TMEM132C: variants seen among roughly 807,000 people sequenced by gnomAD.
The protein encoded by TMEM132C is transmembrane protein 132C.
TMEM132C carries 29 observed loss-of-function variants against 61.4 expected under a neutral mutation model. That is an observed-to-expected ratio of 0.47 (90% CI 0.35 to 0.64). The LOEUF (loss-of-function observed/expected upper bound fraction) is 0.64. Ranked by LOEUF, TMEM132C falls within the 30% of genes least tolerant of loss-of-function variation. TMEM132C has a pLI of 0.00. For synonymous variants in TMEM132C, 656 were observed against 633.1 expected (o/e 1.04, Z -0.54); for missense variants, 1,408 against 1,476.9 (o/e 0.95, Z 0.76).
chr12:128,416,038 T>C (rs1052571845), intron 2 of TMEM132C, among the ~76,000 whole-genome samples: 2 of 152,106 alleles, frequency 1.3e-5, no homozygotes, highest in African/African-American at 4.8e-5. Flanking sequence ...TTTGGGTATA[T>C]ATGTGAAAAG....
intron 3 of TMEM132C, among the ~76,000 whole-genome samples, chr12:128,549,679 A>T (rs1054147001): frequency 7.2e-5 from 11 of 152,182 alleles, no homozygotes; most frequent in African/African-American, 2.2e-4. Flanking sequence ...TGTCGTGCTC[A>T]GCATAGGATG....
At chr12:128,643,736 T>TTC (rs1954175363) in intron 4 of TMEM132C, among the ~76,000 whole-genome samples, 1 of 152,244 alleles carries the variant, frequency 6.6e-6, no homozygotes, top group Non-Finnish European at 1.5e-5. Flanking sequence ...GTCAAGCTGC[T>TTC]TCCAACTGCT....
intron 2 of TMEM132C, among the ~76,000 whole-genome samples, chr12:128,518,267 T>C (rs1872784442): frequency 6.6e-6 from 1 of 152,210 alleles, no homozygotes; most frequent in Non-Finnish European, 1.5e-5. Flanking sequence ...CACCTAGATA[T>C]ATATTCTAGG....
chr12:128,512,133 C>T (rs1226075973), intron 2 of TMEM132C, among the ~76,000 whole-genome samples: 1 of 151,880 alleles, frequency 6.6e-6, no homozygotes, highest in Non-Finnish European at 1.5e-5. Context: ...CCTTAGAAAG[C>T]AAAATAAAGC....
chr12:128,560,215 C>T (rs746451039), intron 3 of TMEM132C, among the ~76,000 whole-genome samples: 1 of 152,212 alleles, frequency 6.6e-6, no homozygotes, highest in Non-Finnish European at 1.5e-5. Flanking sequence ...CCATTGCACT[C>T]CAGCCTGGGC....
intron 2 of TMEM132C, among the ~76,000 whole-genome samples, chr12:128,509,538 G>A (rs1198418675): frequency 6.6e-6 from 1 of 152,206 alleles, no homozygotes; most frequent in South Asian, 2.1e-4. Flanking sequence ...GGCAGTTTTT[G>A]CATGACTCAG....
intron 1 of TMEM132C, among the ~76,000 whole-genome samples, chr12:128,283,954 G>A (rs973828095): frequency 7.2e-5 from 11 of 152,176 alleles, no homozygotes; most frequent in African/African-American, 2.7e-4. Flanking sequence ...AGGAAGAGGG[G>A]CAGCATCCAG....
chr12:128,682,601 T>G (rs752842816), intron 5 of TMEM132C, among the ~76,000 whole-genome samples: 15 of 152,156 alleles, frequency 9.9e-5, no homozygotes, highest in Non-Finnish European at 1.5e-4. Context: ...TGTAGGAAGC[T>G]TCAGAAGAAT....
chr12:128,637,536 T>C (rs1048192536), intron 4 of TMEM132C, among the ~76,000 whole-genome samples: 2 of 152,230 alleles, frequency 1.3e-5, no homozygotes, highest in African/African-American at 4.8e-5. Flanking sequence ...CACAATCTTT[T>C]CTAAATTGTT....
At chr12:128,587,579 T>C (rs1382156875) in intron 3 of TMEM132C, among the ~76,000 whole-genome samples, 2 of 152,242 alleles carry the variant, frequency 1.3e-5, no homozygotes, top group Admixed American at 1.3e-4. Flanking sequence ...ATGTGGATCA[T>C]GTACACAATG....
chr12:128,469,324 A>G (rs1870851982), intron 2 of TMEM132C, among the ~76,000 whole-genome samples: 1 of 147,506 alleles, frequency 6.8e-6, no homozygotes, highest in African/African-American at 2.6e-5. Context: ...AATATCATAA[A>G]GCATGCTTTT....
intron 2 of TMEM132C, among the ~76,000 whole-genome samples, chr12:128,441,569 C>A (rs1360300200): frequency 6.6e-6 from 1 of 152,316 alleles, no homozygotes; most frequent in South Asian, 2.1e-4. Flanking sequence ...TACTTTGTGT[C>A]CCCTGCAGTC....
intron 1 of TMEM132C, among the ~76,000 whole-genome samples, chr12:128,376,103 A>G (rs886533795): frequency 3.3e-5 from 5 of 152,212 alleles, no homozygotes; most frequent in Non-Finnish European, 7.3e-5. Context: ...AGAGATAGTG[A>G]TGACTTTGCA....
intron 1 of TMEM132C, among the ~76,000 whole-genome samples, chr12:128,352,089 G>T (rs1262033604): frequency 6.6e-6 from 1 of 152,086 alleles, no homozygotes; most frequent in African/African-American, 2.4e-5. Flanking sequence ...GATTGCACAA[G>T]GCCTACCCAT....
At chr12:128,328,277 T>C (rs1325321002) in intron 1 of TMEM132C, among the ~76,000 whole-genome samples, 1 of 152,026 alleles carries the variant, frequency 6.6e-6, no homozygotes, top group African/African-American at 2.4e-5. Flanking sequence ...GATGAGCTGG[T>C]AAAAAAGAGT....
Position 128,686,043 on chromosome 12 carries a change from G to T in TMEM132C, c.1450-7786G>T, listed in dbSNP as rs908271879. 5.1e-5 allele frequency among the ~76,000 whole-genome samples: 7 copies of T among 137,394 alleles called. No homozygotes were observed. The South Asian group carries it at 7.1e-4, about 14-fold the overall frequency. 90.1% of individuals were successfully genotyped at this position (137,394 alleles called of 152,430 possible). A position where few individuals can be genotyped will look rare whatever the true frequency, so the allele number is the denominator to read the frequency against. ...TGCATGCATGTGTGTGTGTATTCGCGCGTGTGTGCATGTGTGTGTGTGCAT... is the reference window on the plus strand; with the variant it reads ...TGCATGCATGTGTGTGTGTATTCGCTCGTGTGTGCATGTGTGTGTGTGCAT... On this transcript the variant is annotated intron_variant, in intron 5 of 8. Coordinates refer to ENST00000435159, the MANE Select transcript of TMEM132C (RefSeq NM_001136103.3).
chr12:128,430,612 C>T (rs1467864141), intron 2 of TMEM132C, among the ~76,000 whole-genome samples: 1 of 152,164 alleles, frequency 6.6e-6, no homozygotes, highest in African/African-American at 2.4e-5. Flanking sequence ...TTTGTGGTAA[C>T]CCTGCATTGA....
chr12:128,384,486 T>A (rs866034056), intron 1 of TMEM132C, among the ~76,000 whole-genome samples: 1 of 152,116 alleles, frequency 6.6e-6, no homozygotes, highest in African/African-American at 2.4e-5. Context: ...TTTGTTTTCA[T>A]GTTCAAGGTC....
chr12:128,307,951 C>A (rs1421853253), intron 1 of TMEM132C, among the ~76,000 whole-genome samples: 2 of 152,232 alleles, frequency 1.3e-5, no homozygotes, highest in African/African-American at 4.8e-5. Flanking sequence ...GATTCCTTCC[C>A]TAGGCCTGTC....
Sources: allele counts gnomAD v4.1 joint callset (sites outside exome capture counted in the v4.1 genomes callset), GRCh38; gene constraint gnomAD v4.1.1; transcripts MANE v1.5; gene names NCBI Gene and HGNC (gene_info 2026-07-23, HGNC 2026-07-21).